CNTLN: variants seen among roughly 807,000 people sequenced by gnomAD.
CNTLN encodes the protein centlein, centrosomal protein.
In CNTLN, 212 loss-of-function variants were observed where a neutral mutation model predicts 180.0. The ratio of observed to expected loss-of-function variants is 1.18; its 90% confidence interval spans 1.05 to 1.32. The LOEUF (loss-of-function observed/expected upper bound fraction) is 1.32, where lower values mean the gene tolerates loss of function less well. CNTLN is among the 40% of genes most tolerant of loss of function. CNTLN has a pLI of 0.00. For missense variants in CNTLN, 2,095 were observed against 1,610.9 expected (o/e 1.30, Z -5.14); for synonymous variants, 722 against 563.1 (o/e 1.28, Z -3.99).
Position 17,429,193 on chromosome 9 carries a change from T to A in CNTLN, c.3114+13004T>A, listed in dbSNP as rs1829265638. Among the ~76,000 whole-genome samples, 4 of 152,044 alleles carry A rather than the reference T, an allele frequency of 2.6e-5. No individual in the cohort carries two copies. The South Asian group carries it at 8.3e-4, about 31-fold the overall frequency. The stretch of plus-strand genomic sequence containing the variant: ...TCAATAAAAATATACATAAGCAGAT[T>A]CATAGTAGCAACACCCTATTTATCT... On this transcript the variant is annotated intron_variant, in intron 18 of 25. Coordinates refer to ENST00000380647, the MANE Select transcript of CNTLN (RefSeq NM_017738.4).
chr9:17,528,380 A>T, the CNTLN span, among the ~76,000 whole-genome samples: 1 of 152,196 alleles, frequency 6.6e-6, no homozygotes, highest in African/African-American at 2.4e-5. Flanking sequence ...CCTAATCCAT[A>T]ATCCCAGCTT....
chr9:17,388,078 C>G (rs1181798552), intron 13 of CNTLN, 84 bp from the exon 14 acceptor site: 1 of 826,380 alleles, frequency 1.2e-6, no homozygotes, highest in Non-Finnish European at 1.8e-6. Context: ...AGTTGAAAAA[C>G]CATAGAACCC....
intron 18 of CNTLN, among the ~76,000 whole-genome samples, chr9:17,454,851 G>C (rs80153739): frequency 0.036 from 5,538 of 152,224 alleles, 162 homozygotes; most frequent in East Asian, 0.17. Context: ...TGTGTGTTTT[G>C]TTTTCACTTG....
At chr9:17,493,071 G>A (rs1833255956) in intron 25 of CNTLN, among the ~76,000 whole-genome samples, 1 of 151,988 alleles carries the variant, frequency 6.6e-6, no homozygotes, top group South Asian at 2.1e-4. Flanking sequence ...AAGGGCTGGT[G>A]GAACGAGGGG....
intron 13 of CNTLN, among the ~76,000 whole-genome samples, chr9:17,372,453 A>C (rs1436772585): frequency 1.3e-5 from 2 of 152,142 alleles, no homozygotes; most frequent in East Asian, 3.9e-4. Context: ...CAACGGAACT[A>C]TAATAAGTAA....
At chr9:17,223,754 T>C (rs2132067256) in intron 2 of CNTLN, among the ~76,000 whole-genome samples, 1 of 152,178 alleles carries the variant, frequency 6.6e-6, no homozygotes, top group East Asian at 1.9e-4. Context: ...GAATGTTATA[T>C]GTTATTTCTC....
At position 17,290,036 on chromosome 9, in the gene CNTLN, T is replaced by G. The variant is rs533501997; in HGVS notation, c.984-8154T>G. Among the ~76,000 whole-genome samples, 844 of 152,300 alleles carry G rather than the reference T, an allele frequency of 5.5e-3. 5 individuals carry two copies. Among genetic ancestry groups the G allele is most frequent in the Admixed American group, 8.3e-3 (127 of 15,300 alleles). On this transcript the variant is annotated intron_variant, in intron 6 of 25. Transcript: ENST00000380647. ...TCAGAATCATTCTCCATCCAGCTTT[T>G]TTCCGTTGCTGGTGAGGAACTGCGT...
At chr9:17,450,828 T>C (rs547508184) in intron 18 of CNTLN, among the ~76,000 whole-genome samples, 1 of 143,372 alleles carries the variant, frequency 7.0e-6, no homozygotes, top group Non-Finnish European at 1.5e-5. Flanking sequence ...TGCCTAAGGG[T>C]TTTTTTTGGT....
In CNTLN at chr9:17,433,654, G is replaced by A. The variant is rs565103602; in HGVS notation, c.3114+17465G>A. On this transcript the variant is annotated intron_variant, in intron 18 of 25. Transcript: ENST00000380647. ...TCTTTTTTGTTGTTGTTGAGACAGGGTCTTTCTCTGTTGCCCAGGCTAGAG... is the reference window on the plus strand; with the variant it reads ...TCTTTTTTGTTGTTGTTGAGACAGGATCTTTCTCTGTTGCCCAGGCTAGAG... Among the ~76,000 whole-genome samples, 6 of 152,098 alleles carry A rather than the reference G, an allele frequency of 3.9e-5. No homozygotes were observed. The South Asian group carries it at 1.2e-3, about 32-fold the overall frequency.
At chr9:17,258,006 CT>C (rs1451306863) in intron 5 of CNTLN, among the ~76,000 whole-genome samples, 1 of 150,696 alleles carries the variant, frequency 6.6e-6, no homozygotes, top group Non-Finnish European at 1.5e-5. Flanking sequence ...TCAATTTTGT[CT>C]TTTGTTGCCA....
At chr9:17,200,636 T>C (rs1822457750) in intron 2 of CNTLN, among the ~76,000 whole-genome samples, 1 of 152,164 alleles carries the variant, frequency 6.6e-6, no homozygotes, top group Non-Finnish European at 1.5e-5. Flanking sequence ...GGCTCTCTGC[T>C]TGTCTATTAT....
At chr9:17,329,948 A>G (rs1202313013) in intron 8 of CNTLN, among the ~76,000 whole-genome samples, 1 of 151,952 alleles carries the variant, frequency 6.6e-6, no homozygotes, top group Non-Finnish European at 1.5e-5. Flanking sequence ...GCGAATTTGC[A>G]TGGGTTTTAA....
rs112906568 is a variant in CNTLN, at chr9:17,212,538, C to T, written c.450-13665C>T. 1.4e-4 allele frequency among the ~76,000 whole-genome samples: 21 copies of T among 152,080 alleles called. No homozygotes were observed. In the South Asian group the frequency reaches 1.5e-3, roughly 11 times the overall value. On this transcript the variant is annotated intron_variant, in intron 2 of 25. Coordinates refer to ENST00000380647, the MANE Select transcript of CNTLN (RefSeq NM_017738.4). ...TCTCCTTTTTTGTTGTGTCTCTGCC[C>T]GGCTTTGGTATCAGGATGATGCTGG...
At chr9:17,302,495 G>T (rs962436188) in intron 7 of CNTLN, among the ~76,000 whole-genome samples, 8 of 151,998 alleles carry the variant, frequency 5.3e-5, no homozygotes, top group Admixed American at 1.3e-4. Flanking sequence ...CACTGTGCCT[G>T]GCCCAATTCA....
At chr9:17,257,098 G>T (rs1261226033) in intron 5 of CNTLN, among the ~76,000 whole-genome samples, 1 of 151,828 alleles carries the variant, frequency 6.6e-6, no homozygotes, top group Non-Finnish European at 1.5e-5. Flanking sequence ...CTAGCATTAG[G>T]TATATCTCCT....
chr9:17,517,129 CG>C, the CNTLN span, among the ~76,000 whole-genome samples: 1 of 152,044 alleles, frequency 6.6e-6, no homozygotes, highest in East Asian at 1.9e-4. Flanking sequence ...CGGTGGCTCA[CG>C]CCTGTAATCC....
At position 17,248,292 on chromosome 9, in the gene CNTLN, T is replaced by C. The variant is rs191404921; in HGVS notation, c.849+11704T>C. On this transcript the variant is annotated intron_variant, in intron 5 of 25. Coordinates refer to ENST00000380647, the MANE Select transcript of CNTLN (RefSeq NM_017738.4). The stretch of plus-strand genomic sequence containing the variant: ...TATTTACATCCTCTTCTAGTTGTTA[T>C]AACAGTTTTAGAGGGTTTGGTATTC... Among the ~76,000 whole-genome samples, 328 of 152,102 alleles carry C rather than the reference T, an allele frequency of 2.2e-3. 5 individuals are homozygous for C. In the South Asian group the frequency reaches 0.031, roughly 14 times the overall value.
chr9:17,139,094 A>G (rs369763598), intron 1 of CNTLN, among the ~76,000 whole-genome samples: 10 of 151,832 alleles, frequency 6.6e-5, no homozygotes, highest in African/African-American at 2.2e-4. Flanking sequence ...TTTTATTTTT[A>G]TTTTTTATTT....
chr9:17,219,234 C>CTTT, intron 2 of CNTLN, among the ~76,000 whole-genome samples: 1 of 138,566 alleles, frequency 7.2e-6, no homozygotes, highest in South Asian at 2.4e-4. Flanking sequence ...CTGGCAGTGT[C>CTTT]TTTTTTTTTC....
Sources: allele counts gnomAD v4.1 joint callset (sites outside exome capture counted in the v4.1 genomes callset), GRCh38; gene constraint gnomAD v4.1.1; transcripts MANE v1.5; gene names NCBI Gene and HGNC (gene_info 2026-07-23, HGNC 2026-07-21).